Variants in MAST4 observed in about 807,000 individuals in gnomAD.
MAST4 encodes the protein microtubule-associated serine/threonine-protein kinase 4.
In MAST4, 89 loss-of-function variants were observed where a neutral mutation model predicts 162.7. The observed-to-expected ratio is 0.55, with a 90% CI of 0.46 to 0.65. The LOEUF (loss-of-function observed/expected upper bound fraction) is 0.65, where lower values mean the gene tolerates loss of function less well. MAST4 is among the 30% of genes least tolerant of loss of function. The pLI, the probability that MAST4 is intolerant of heterozygous loss-of-function variation, is 0.00. For missense variants in MAST4, 3,153 were observed against 3,374.0 expected, an observed-to-expected ratio of 0.93 and a Z score of 1.62; for synonymous variants, 1,479 against 1,361.1, an observed-to-expected ratio of 1.09 and a Z score of -1.91.
intron 1 of MAST4, among the ~76,000 whole-genome samples, chr5:66,616,740 T>A (rs1743718871): frequency 6.6e-6 from 1 of 152,234 alleles, no homozygotes; most frequent in Non-Finnish European, 1.5e-5. Flanking sequence ...CTGCACAGTC[T>A]ATCTTCTGAA....
At chr5:66,630,558 A>G (rs550297913) in intron 1 of MAST4, among the ~76,000 whole-genome samples, 1 of 152,262 alleles carries the variant, frequency 6.6e-6, no homozygotes, top group South Asian at 2.1e-4. Flanking sequence ...ATTTACAAAC[A>G]CTTTAGAGTT....
Position 67,164,620 on chromosome 5 carries a change from A to G in MAST4, c.5441A>G (p.Gln1814Arg). Residue 1814 changes from glutamine to arginine, a missense_variant, in exon 29 of 29, where the codon CAG becomes CGG. Physicochemically the swap from Gln to Arg is conservative, Grantham distance 43. This residue lies in a region of MAST4 where 1,644 missense variants were observed against 1,495.0 expected (regional missense o/e 1.10). Transcript: ENST00000403625. The surrounding 1 kb of genome is among the most constrained non-coding windows in gnomAD (Gnocchi z 5.3). ...GACATTGCTCTCCTGTCCGGACCTC[A>G]GGCCTCCAAGACAGAACTGCCTTCC... ...TLDIALLSGP[Q>R]ASKTELPSPE... The G allele has an allele frequency of 6.2e-7, 1 of 1,614,010 alleles. No homozygotes were observed. The highest frequency in any genetic ancestry group is 8.5e-7 in the Non-Finnish European group (1 of 1,179,888).
chr5:66,767,627 T>C (rs1426693718), intron 2 of MAST4, among the ~76,000 whole-genome samples: 1 of 151,856 alleles, frequency 6.6e-6, no homozygotes, highest in Non-Finnish European at 1.5e-5. Flanking sequence ...CACACATATA[T>C]ATAAAGGGGA....
At chr5:67,161,698 G>T (rs1019712869) in intron 27 of MAST4, among the ~76,000 whole-genome samples, 2 of 152,176 alleles carry the variant, frequency 1.3e-5, no homozygotes, top group Admixed American at 1.3e-4. Flanking sequence ...GTTTTTCATT[G>T]TATGTTTATA....
chr5:67,024,334 T>TACACAC lies in MAST4; in HGVS notation c.675-30069_675-30068insCACACA, dbSNP rs545603018. On this transcript the variant is annotated intron_variant, in intron 4 of 28. Transcript: ENST00000403625. ...AGATATATATATATATCTATATATA[T>TACACAC]ATACACACACACACACACATACATA... Among the ~76,000 whole-genome samples the TACACAC allele has an allele frequency of 4.6e-4, 61 of 133,342 alleles. No individual in the cohort carries two copies. In the South Asian group the frequency reaches 6.7e-3, roughly 15 times the overall value. 87.5% of individuals were successfully genotyped at this position (133,342 alleles called of 152,430 possible).
chr5:67,046,232 A>G (rs904100165), intron 4 of MAST4, among the ~76,000 whole-genome samples: 4 of 152,150 alleles, frequency 2.6e-5, no homozygotes, highest in African/African-American at 9.7e-5. Flanking sequence ...CTCCAAATGT[A>G]TCCCTGCTAA....
At chr5:67,054,617 C>G in intron 5 of MAST4, 125 bp downstream of exon 5, 1 of 848,190 alleles carries the variant, frequency 1.2e-6, no homozygotes, top group Middle Eastern at 2.3e-4. Context: ...CTGTTTTATC[C>G]CTAAGTTGTT....
At chr5:66,687,032 A>C (rs1748703146) in intron 1 of MAST4, among the ~76,000 whole-genome samples, 1 of 152,146 alleles carries the variant, frequency 6.6e-6, no homozygotes, top group South Asian at 2.1e-4. Flanking sequence ...GGAAATCCTA[A>C]TTTCAACTAG....
chr5:66,913,641 A>G (rs535156116), intron 4 of MAST4, among the ~76,000 whole-genome samples: 19 of 152,282 alleles, frequency 1.2e-4, no homozygotes, highest in South Asian at 6.2e-4. Flanking sequence ...TATAGCATCT[A>G]TTGAAGAGCA....
intron 5 of MAST4, among the ~76,000 whole-genome samples, chr5:67,067,785 T>C (rs983215752): frequency 6.6e-6 from 1 of 152,150 alleles, no homozygotes; most frequent in African/African-American, 2.4e-5. Flanking sequence ...AGAGGCTGCC[T>C]CAGTGATAGG....
At chr5:67,126,693 G>A (rs1768275647) in intron 14 of MAST4, among the ~76,000 whole-genome samples, 1 of 152,118 alleles carries the variant, frequency 6.6e-6, no homozygotes, top group African/African-American at 2.4e-5. Flanking sequence ...CTCCAGCTTT[G>A]TTCTTTTGGC....
chr5:66,694,694 G>A (rs1253140421), intron 1 of MAST4, among the ~76,000 whole-genome samples: 3 of 151,882 alleles, frequency 2.0e-5, no homozygotes, highest in Non-Finnish European at 4.4e-5. Context: ...GCCATGTTGG[G>A]CAGGCTGGTC....
intron 1 of MAST4, among the ~76,000 whole-genome samples, chr5:66,654,072 T>C (rs1440083628): frequency 6.6e-6 from 1 of 152,190 alleles, no homozygotes; most frequent in African/African-American, 2.4e-5. Flanking sequence ...TCATCGTGCT[T>C]ACAGATTAGG....
At chr5:66,614,814 A>G (rs369549677) in intron 1 of MAST4, among the ~76,000 whole-genome samples, 11 of 152,270 alleles carry the variant, frequency 7.2e-5, no homozygotes, top group African/African-American at 2.4e-4. Context: ...GGAGAGATCT[A>G]TAGTTCCCTC....
chr5:66,671,731 G>A (rs1462117705), intron 1 of MAST4, among the ~76,000 whole-genome samples: 1 of 152,162 alleles, frequency 6.6e-6, no homozygotes, highest in Non-Finnish European at 1.5e-5. Flanking sequence ...AGTGATGAGA[G>A]GTTAAATTAA....
chr5:67,136,930 C>T (rs1275686887), intron 19 of MAST4, among the ~76,000 whole-genome samples: 1 of 152,146 alleles, frequency 6.6e-6, no homozygotes, highest in Non-Finnish European at 1.5e-5. Flanking sequence ...TAATTTGTTT[C>T]AATAAATAAA....
In MAST4 at chr5:67,149,683, T is replaced by C. The variant is rs1445797085; in HGVS notation, c.3295+94T>C. On this transcript the variant is annotated intron_variant, in intron 24 of 28. Coordinates refer to ENST00000403625, the MANE Select transcript of MAST4 (RefSeq NM_001164664.2). Reference sequence around the variant, plus strand: ...TGGAATGCTGAATGAGATGCAAGATTGCTTGAAGTAATAACGGGTCATGTC... The same window carrying C: ...TGGAATGCTGAATGAGATGCAAGATCGCTTGAAGTAATAACGGGTCATGTC... The C allele has an allele frequency of 4.0e-6, 5 of 1,240,092 alleles. No homozygotes were observed. The African/African-American group carries it at 6.0e-5, about 15-fold the overall frequency. The allele number at this position is 1,240,092 out of a possible 1,614,324, so 76.8% of individuals were successfully genotyped here.
chr5:67,152,529 G>A (rs1024758675), intron 24 of MAST4, 108 bp from the exon 25 acceptor site: 2 of 797,882 alleles, frequency 2.5e-6, no homozygotes, highest in African/African-American at 1.7e-5. Flanking sequence ...AAATGGATTT[G>A]TGTTGTGACT....
At chr5:67,144,151 T>C (rs143953273) in intron 21 of MAST4, among the ~76,000 whole-genome samples, 4 of 152,284 alleles carry the variant, frequency 2.6e-5, no homozygotes, top group African/African-American at 7.2e-5. Context: ...CTGGCTCTTA[T>C]AACGGAATAT....
Sources: allele counts gnomAD v4.1 joint callset (sites outside exome capture counted in the v4.1 genomes callset), GRCh38; gene constraint gnomAD v4.1.1; regional missense constraint gnomAD v4.1.1; non-coding constraint Gnocchi (gnomAD v3.1); transcripts MANE v1.5; gene names NCBI Gene and HGNC (gene_info 2026-07-23, HGNC 2026-07-21).